ZNF443: variants seen among roughly 807,000 people sequenced by gnomAD.
The protein encoded by ZNF443 is zinc finger protein 443, also known as Kruppel-type zinc finger (C2H2).
ZNF443 carries 3 observed loss-of-function variants against 12.0 expected under a neutral mutation model. That is an observed-to-expected ratio of 0.25 (90% CI 0.11 to 0.64). ZNF443 has a LOEUF of 0.64. ZNF443 is among the 30% of genes least tolerant of loss of function. ZNF443 has a pLI of 0.84. For missense variants in ZNF443, 770 were observed against 808.8 expected, an observed-to-expected ratio of 0.95 and a Z score of 0.58; for synonymous variants, 225 against 265.9, an observed-to-expected ratio of 0.85 and a Z score of 1.50.
Position 12,431,209 on chromosome 19 carries a change from G to A in ZNF443, c.963C>T (p.Ser321=), listed in dbSNP as rs1342367017. 1.3e-5 allele frequency: 21 copies of A among 1,613,842 alleles called. No individual in the cohort carries two copies. The highest frequency in any genetic ancestry group is 4.0e-5 in the African/African-American group (3 of 74,970). Residue 321 remains serine (S), a synonymous_variant, in exon 4 of 4, where the codon TCC becomes TCT. Coordinates refer to ENST00000301547, the MANE Select transcript of ZNF443 (RefSeq NM_005815.5). ...TGGTTTCATGTCTTTGAAGGGAACC[G>A]GAAACACTGAAGGCTTTCCCACATT... ...CKQCGKAFSV[S]GSLQRHETTH...
At chr19:12,439,356 C>G (rs565233878) in intron 1 of ZNF443, among the ~76,000 whole-genome samples, 2 of 152,050 alleles carry the variant, frequency 1.3e-5, no homozygotes, top group Non-Finnish European at 2.9e-5. Context: ...AATTATATAC[C>G]AGAAGATTCC....
chr19:12,430,512 G>C lies in ZNF443; in HGVS notation c.1660C>G (p.His554Asp). The C allele has an allele frequency of 6.2e-7, 1 of 1,614,146 alleles. No individual in the cohort carries two copies. The highest frequency in any genetic ancestry group is 8.5e-7 in the Non-Finnish European group (1 of 1,179,988). The change falls in exon 4 of 4, where the codon CAC (histidine) becomes GAC (aspartate). Residue 554 changes from histidine (H) to aspartate (D), a missense_variant. Coordinates refer to ENST00000301547, the MANE Select transcript of ZNF443 (RefSeq NM_005815.5). ...YDNLKVHERI[H>D]SGEKPYECKE... is the part of the protein sequence containing the mutation. ...CATTCATACGGCTTCTCTCCAGAGT[G>C]AATTCTTTCATGTACCTTTAAGTTA...
At position 12,430,037 on chromosome 19, in the gene ZNF443, T is replaced by A; in HGVS notation, c.*119A>T. ...GTACTGGAAAGAAACTGAAACTACTTAAGGCTTTACCAAGTGCTTACATTC... is the reference window on the plus strand; with the variant it reads ...GTACTGGAAAGAAACTGAAACTACTAAAGGCTTTACCAAGTGCTTACATTC... On this transcript the variant is annotated 3_prime_UTR_variant, in exon 4 of 4. Transcript: ENST00000301547. 6.4e-7 allele frequency: 1 copy of A among 1,573,548 alleles called. No homozygotes were observed. Among genetic ancestry groups the A allele is most frequent in the Non-Finnish European group, 8.6e-7 (1 of 1,159,198 alleles).
chr19:12,440,556 TCTC>T (rs1970354490), intron 1 of ZNF443, among the ~76,000 whole-genome samples: 1 of 151,860 alleles, frequency 6.6e-6, no homozygotes, highest in Admixed American at 6.6e-5. Context: ...TGTCCTCCCC[TCTC>T]CTCCTGTTAA....
intron 1 of ZNF443, among the ~76,000 whole-genome samples, chr19:12,440,398 G>A (rs1398007841): frequency 6.6e-6 from 1 of 152,156 alleles, no homozygotes; most frequent in African/African-American, 2.4e-5. Flanking sequence ...CAACCAGGTT[G>A]AAGACCCCAC....
Position 12,431,115 on chromosome 19 carries a change from G to T in ZNF443, c.1057C>A (p.Gln353Lys). Reference sequence around the variant, plus strand: ...CCAGTGTGCCTTATCATGTGTCTTTGAAAGCTTCCCAGATGATGAAACGCT... The same window carrying T: ...CCAGTGTGCCTTATCATGTGTCTTTTAAAGCTTCCCAGATGATGAAACGCT... ...GKAFHHLGSFQRHMIRHTGNG... is the reference protein window; with the variant it reads ...GKAFHHLGSFKRHMIRHTGNG... Residue 353 changes from glutamine (Q) to lysine (K), a missense_variant, in exon 4 of 4, where the codon CAA becomes AAA. By Grantham distance (53) the Gln-to-Lys change is moderately conservative. Transcript: ENST00000301547. The T allele has an allele frequency of 6.2e-7, 1 of 1,614,038 alleles. No homozygotes were observed. Among genetic ancestry groups the T allele is most frequent in the East Asian group, 2.2e-5 (1 of 44,870 alleles).
Position 12,430,066 on chromosome 19 carries a change from G to A in ZNF443, c.*90C>T. ...GCTTTACCAAGTGCTTACATTCACA[G>A]GGTCTATCTCCAATGTGTTTCGTAC... is the stretch of plus-strand genomic sequence containing the variant. On this transcript the variant is annotated 3_prime_UTR_variant, in exon 4 of 4. Coordinates refer to ENST00000301547, the MANE Select transcript of ZNF443 (RefSeq NM_005815.5). The A allele has an allele frequency of 6.3e-7, 1 of 1,590,438 alleles. No individual in the cohort carries two copies. The highest frequency in any genetic ancestry group is 8.6e-7 in the Non-Finnish European group (1 of 1,167,774).
chr19:12,433,682 C>CA (rs1242302397), intron 1 of ZNF443, among the ~76,000 whole-genome samples: 1 of 150,630 alleles, frequency 6.6e-6, no homozygotes, highest in Non-Finnish European at 1.5e-5. Flanking sequence ...ATTGTTCATG[C>CA]AAAAAAAATA....
chr19:12,430,571 C>T lies in ZNF443; in HGVS notation c.1601G>A (p.Cys534Tyr), dbSNP rs1482603209. The T allele has an allele frequency of 3.1e-6, 5 of 1,613,882 alleles. No individual in the cohort carries two copies. Among genetic ancestry groups the T allele is most frequent in the African/African-American group, 2.7e-5 (2 of 74,876 alleles). ...RTHTGEKPYE[C>Y]KTCRKAFGHY... ...ACCGAAGGCTTTCCTACATGTTTTA[C>T]ACTCATAAGGTTTCTCTCCTGTGTG... Residue 534 changes from cysteine to tyrosine, a missense_variant, in exon 4 of 4, where the codon TGT (cysteine) becomes TAT (tyrosine). By Grantham distance (194) the Cys-to-Tyr change is radical (BLOSUM62 -2). Around this residue, in one of 3 missense-constraint regions of ZNF443, gnomAD observed 736 missense variants for 689.4 expected, o/e 1.07. Coordinates refer to ENST00000301547, the MANE Select transcript of ZNF443 (RefSeq NM_005815.5).
In ZNF443 at chr19:12,430,741, A is replaced by G. The variant is rs530881941; in HGVS notation, c.1431T>C (p.Tyr477=). ...TACAGGCTTTCCCAAGTTTGCATTT[A>G]TAGGGTTTCTCTCCAGTATGAGTTG... ...HETTHTGEKP[Y]KCKLGKACID... is the part of the protein sequence containing the mutation. Residue 477 remains tyrosine (Y), a synonymous_variant, in exon 4 of 4, where the codon TAT becomes TAC. Coordinates refer to ENST00000301547, the MANE Select transcript of ZNF443 (RefSeq NM_005815.5). 3.0e-5 allele frequency: 49 copies of G among 1,613,004 alleles called. No homozygotes were observed. In the South Asian group the frequency reaches 4.4e-4, roughly 14 times the overall value.
intron 1 of ZNF443, among the ~76,000 whole-genome samples, chr19:12,438,023 C>T (rs1418324471): frequency 6.6e-6 from 1 of 151,298 alleles, no homozygotes; most frequent in Non-Finnish European, 1.5e-5. Flanking sequence ...ATCGCTTGAA[C>T]GCAGGAGGCG....
intron 1 of ZNF443, among the ~76,000 whole-genome samples, chr19:12,438,761 AT>A (rs1469947005): frequency 6.6e-6 from 1 of 152,102 alleles, no homozygotes; most frequent in African/African-American, 2.4e-5. Context: ...AAAAAATGGA[AT>A]AGAAGATTAC....
At position 12,430,142 on chromosome 19, in the gene ZNF443, A is replaced by G; in HGVS notation, c.*14T>C. ...ATAAATGCTTTCCCACATTCCATAC[A>G]TTTAGAGAGAATGCTAGTGAGTCTT... On this transcript the variant is annotated 3_prime_UTR_variant, in exon 4 of 4. Coordinates refer to ENST00000301547, the MANE Select transcript of ZNF443 (RefSeq NM_005815.5). 1.2e-6 allele frequency: 2 copies of G among 1,611,340 alleles called. No homozygotes were observed. The highest frequency in any genetic ancestry group is 1.7e-5 in the Admixed American group (1 of 59,232).
At chr19:12,433,343 A>G in intron 1 of ZNF443, 146 bp from the exon 2 acceptor site, 2 of 1,452,396 alleles carry the variant, frequency 1.4e-6, no homozygotes, top group Non-Finnish European at 1.8e-6. Flanking sequence ...CTCTGTCTAC[A>G]CTCACTTTCT....
chr19:12,437,428 G>GAAAC (rs1970324946), intron 1 of ZNF443, among the ~76,000 whole-genome samples: 1 of 143,220 alleles, frequency 7.0e-6, no homozygotes, highest in African/African-American at 2.6e-5. Flanking sequence ...AAGAAACAAA[G>GAAAC]AAACAAAGAA....
At position 12,431,961 on chromosome 19, in the gene ZNF443, A is replaced by C; in HGVS notation, c.211T>G (p.Phe71Val). ...TGAGTTCCATCTTTACTTTCAACAA[A>C]TCTCTCTAACATACGACATCTGTAA... Reference protein sequence around the residue: ...KNLRCRMLERFVESKDGTQCG... With the variant: ...KNLRCRMLERVVESKDGTQCG... The change falls in exon 4 of 4, where the codon TTT becomes GTT. Residue 71 changes from phenylalanine (F) to valine (V), a missense_variant. By Grantham distance (50) the Phe-to-Val change is conservative. Around this residue, in one of 3 missense-constraint regions of ZNF443, gnomAD observed 736 missense variants for 689.4 expected, o/e 1.07. Coordinates refer to ENST00000301547, the MANE Select transcript of ZNF443 (RefSeq NM_005815.5). 2.5e-6 allele frequency: 4 copies of C among 1,579,616 alleles called. No individual in the cohort carries two copies. Among genetic ancestry groups the C allele is most frequent in the Non-Finnish European group, 3.4e-6 (4 of 1,164,030 alleles).
Position 12,430,672 on chromosome 19 carries a change from T to C in ZNF443, c.1500A>G (p.Gly500=), listed in dbSNP as rs754483860. 6 of 1,614,020 alleles carry C rather than the reference T, an allele frequency of 3.7e-6. No individual in the cohort carries two copies. Among genetic ancestry groups the C allele is most frequent in the Non-Finnish European group, 5.1e-6 (6 of 1,179,986 alleles). Residue 500 remains glycine, a synonymous_variant, in exon 4 of 4, where the codon GGA becomes GGG. Transcript: ENST00000301547. Reference sequence around the variant, plus strand: ...ATTCCTTACACTCATATGGCTTCTCTCCAGTGTGAGTTGTTTTGTGATTTT... The same window carrying C: ...ATTCCTTACACTCATATGGCTTCTCCCCAGTGTGAGTTGTTTTGTGATTTT... ...SFQNHKTTHT[G]EKPYECKECG...
rs766042456 is a variant in ZNF443, at chr19:12,431,453, T to C, written c.719A>G (p.Tyr240Cys). ...CSKAFSFYSSYLRHERTHTGE... is the reference protein window; with the variant it reads ...CSKAFSFYSSCLRHERTHTGE... ...AGTATGTGTTCTTTCATGTCTTAGA[T>C]AGGAACTGTAAAAAGAAAAGGCTTT... The change falls in exon 4 of 4, where the codon TAT becomes TGT. Residue 240 changes from tyrosine to cysteine, a missense_variant. Coordinates refer to ENST00000301547, the MANE Select transcript of ZNF443 (RefSeq NM_005815.5). The C allele has an allele frequency of 1.2e-6, 2 of 1,613,960 alleles. No homozygotes were observed. Among genetic ancestry groups the C allele is most frequent in the South Asian group, 1.1e-5 (1 of 91,054 alleles).
In ZNF443 at chr19:12,437,937, C is replaced by CAAAA. The variant is rs3071453; in HGVS notation, c.3+2971_3+2974dup. ...TGAAACCCCGTCTCTATTAAAAATA[C>CAAAA]AAAAAAAAAAAAAATTAGCCAGGCA... On this transcript the variant is annotated intron_variant, in intron 1 of 3. Transcript: ENST00000301547. 5.2e-3 allele frequency among the ~76,000 whole-genome samples: 712 copies of CAAAA among 136,218 alleles called. 6 individuals carry two copies. Among genetic ancestry groups the CAAAA allele is most frequent in the African/African-American group, 0.016 (591 of 36,982 alleles). The allele number at this position is 136,218 out of a possible 152,430, so 89.4% of individuals were successfully genotyped here.
Sources: gnomAD v4.1 joint callset for allele counts (sites outside exome capture counted in the v4.1 genomes callset) on GRCh38, gnomAD v4.1.1 for gene constraint, gnomAD v4.1.1 regional missense constraint, MANE v1.5 for transcripts, NCBI Gene and HGNC (gene_info 2026-07-23, HGNC 2026-07-21) for gene names.